Variants in EXOC4 observed in about 807,000 individuals in gnomAD.
The protein encoded by EXOC4 is SEC8-like 1.
In EXOC4, 71 loss-of-function variants were observed where a neutral mutation model predicts 107.2. That is an observed-to-expected ratio of 0.66 (90% CI 0.55 to 0.81). The LOEUF is 0.81. EXOC4 is among the 30% of genes least tolerant of loss of function. EXOC4 has a pLI of 0.00. For synonymous variants in EXOC4, 456 were observed against 441.2 expected (o/e 1.03, Z -0.42); for missense variants, 1,108 against 1,189.6 (o/e 0.93, Z 1.01).
intron 9 of EXOC4, among the ~76,000 whole-genome samples, chr7:133,576,135 G>C (rs1159028133): frequency 6.6e-6 from 1 of 152,108 alleles, no homozygotes; most frequent in Non-Finnish European, 1.5e-5. Flanking sequence ...CACATGTATG[G>C]CTAGGTTCTT....
intron 7 of EXOC4, among the ~76,000 whole-genome samples, chr7:133,379,189 A>G (rs1354885652): frequency 1.3e-5 from 2 of 151,708 alleles, no homozygotes; most frequent in Non-Finnish European, 2.9e-5. Flanking sequence ...CAAGTTATCT[A>G]CTCTGCTGTC....
intron 9 of EXOC4, among the ~76,000 whole-genome samples, chr7:133,552,962 G>A (rs921598074): frequency 6.6e-6 from 1 of 152,066 alleles, no homozygotes; most frequent in African/African-American, 2.4e-5. Flanking sequence ...ACCTTTGTAA[G>A]GTCTGATCCA....
At chr7:133,855,082 A>AATATATATATATATATAT (rs1293998031) in intron 11 of EXOC4, among the ~76,000 whole-genome samples, 5 of 76,758 alleles carry the variant, frequency 6.5e-5, no homozygotes, top group African/African-American at 4.3e-4. Context: ...AATATATCTA[A>AATATATATATATATATAT]ATATATATAA....
At chr7:133,897,631 G>A (rs1280160496) in intron 12 of EXOC4, among the ~76,000 whole-genome samples, 1 of 152,040 alleles carries the variant, frequency 6.6e-6, no homozygotes, top group African/African-American at 2.4e-5. Flanking sequence ...TGTTAAAGAA[G>A]AGCTTGTTCA....
intron 10 of EXOC4, among the ~76,000 whole-genome samples, chr7:133,641,988 G>A (rs935352938): frequency 6.6e-6 from 1 of 152,136 alleles, no homozygotes; most frequent in Non-Finnish European, 1.5e-5. Context: ...AACGTTGGAG[G>A]TCTGTCTGCT....
the EXOC4 span, among the ~76,000 whole-genome samples, chr7:134,073,230 A>AAAAAAAAAAAAAAC: frequency 3.8e-4 from 7 of 18,426 alleles, no homozygotes; most frequent in South Asian, 3.2e-3. Context: ...AAAAAAAAAA[A>AAAAAAAAAAAAAAC]AACAACAAAG....
chr7:133,817,797 G>T (rs1238805339), intron 11 of EXOC4, among the ~76,000 whole-genome samples: 2 of 151,940 alleles, frequency 1.3e-5, no homozygotes, highest in Admixed American at 1.3e-4. Context: ...TCATTAACAT[G>T]CAGGCAGTTC....
At chr7:133,747,274 A>C (rs1260610503) in intron 10 of EXOC4, among the ~76,000 whole-genome samples, 1 of 152,166 alleles carries the variant, frequency 6.6e-6, no homozygotes, top group Non-Finnish European at 1.5e-5. Flanking sequence ...TCTGTTGTTT[A>C]ATATAATATT....
intron 5 of EXOC4, among the ~76,000 whole-genome samples, chr7:133,347,734 A>G (rs1795818805): frequency 6.6e-6 from 1 of 152,192 alleles, no homozygotes; most frequent in Non-Finnish European, 1.5e-5. Context: ...ATCTATACAT[A>G]CAATGTGTGT....
At chr7:133,829,110 A>G (rs2151234811) in intron 11 of EXOC4, among the ~76,000 whole-genome samples, 1 of 152,340 alleles carries the variant, frequency 6.6e-6, no homozygotes, top group Middle Eastern at 3.4e-3. Flanking sequence ...TGACCTGAAC[A>G]ACAGTCACAA....
chr7:134,007,459 A>T (rs992872555), intron 16 of EXOC4, among the ~76,000 whole-genome samples: 7 of 152,204 alleles, frequency 4.6e-5, no homozygotes, highest in Admixed American at 2.6e-4. Context: ...AGGCTTTGCC[A>T]CCAACATGAA....
chr7:133,475,215 A>G (rs752597768), intron 7 of EXOC4, 113 bp from the exon 8 acceptor site: 8 of 873,028 alleles, frequency 9.2e-6, no homozygotes, highest in Non-Finnish European at 1.4e-5. Context: ...CCAGGTTAAT[A>G]TACTCCTGAA....
At chr7:134,072,547 G>C in the EXOC4 span, among the ~76,000 whole-genome samples, 1 of 152,144 alleles carries the variant, frequency 6.6e-6, no homozygotes, top group Non-Finnish European at 1.5e-5. Flanking sequence ...GGCCAGGGGA[G>C]GTCAGAGAAA....
At chr7:133,586,804 A>G (rs576504669) in intron 9 of EXOC4, among the ~76,000 whole-genome samples, 25 of 152,084 alleles carry the variant, frequency 1.6e-4, no homozygotes, top group African/African-American at 5.8e-4. Flanking sequence ...CACCTCTGTT[A>G]TGGGCTCTTT....
intron 11 of EXOC4, among the ~76,000 whole-genome samples, chr7:133,885,966 G>C (rs1799077351): frequency 6.6e-6 from 1 of 152,100 alleles, no homozygotes; most frequent in African/African-American, 2.4e-5. Context: ...TCAGGAAGGG[G>C]CTAAGTAGGA....
intron 11 of EXOC4, among the ~76,000 whole-genome samples, chr7:133,845,948 A>G (rs992021169): frequency 3.3e-5 from 5 of 152,182 alleles, no homozygotes; most frequent in Admixed American, 3.3e-4. Context: ...AAAGGCAGGC[A>G]TTTATTTACT....
chr7:133,503,108 C>T (rs1799604669), intron 9 of EXOC4, among the ~76,000 whole-genome samples: 1 of 152,040 alleles, frequency 6.6e-6, no homozygotes, highest in Non-Finnish European at 1.5e-5. Context: ...TTGTTGGCAT[C>T]CAGTTCTAAG....
intron 5 of EXOC4, among the ~76,000 whole-genome samples, chr7:133,332,285 T>C (rs970206415): frequency 4.6e-5 from 7 of 152,214 alleles, no homozygotes; most frequent in African/African-American, 1.7e-4. Flanking sequence ...TGCTATTTTC[T>C]TGATGTGCAT....
intron 10 of EXOC4, among the ~76,000 whole-genome samples, chr7:133,684,360 A>G (rs867873511): frequency 6.6e-6 from 1 of 152,228 alleles, no homozygotes; most frequent in Non-Finnish European, 1.5e-5. Context: ...TAAACTTGAT[A>G]TGCTTCTAAA....
Sources: allele counts gnomAD v4.1 joint callset (sites outside exome capture counted in the v4.1 genomes callset), GRCh38; gene constraint gnomAD v4.1.1; transcripts MANE v1.5; gene names NCBI Gene and HGNC (gene_info 2026-07-23, HGNC 2026-07-21).